EXOC6B: variants seen among roughly 807,000 people sequenced by gnomAD.
EXOC6B encodes the protein exocyst complex component 6B.
In EXOC6B, 54 loss-of-function variants were observed where a neutral mutation model predicts 113.5. The observed-to-expected ratio is 0.48, with a 90% CI of 0.38 to 0.60. The LOEUF is 0.60. Ranked by LOEUF, EXOC6B falls within the 20% of genes least tolerant of loss-of-function variation. EXOC6B has a pLI of 0.00. For missense variants in EXOC6B, 797 were observed against 977.5 expected (o/e 0.82, Z 2.46); for synonymous variants, 357 against 339.0 (o/e 1.05, Z -0.58).
intron 20 of EXOC6B, among the ~76,000 whole-genome samples, chr2:72,288,139 C>G (rs1051664955): frequency 6.6e-6 from 1 of 152,254 alleles, no homozygotes; most frequent in African/African-American, 2.4e-5. Flanking sequence ...AGATACCATA[C>G]ACATTCACTA....
chr2:72,726,250 T>C (rs536507125), intron 5 of EXOC6B, among the ~76,000 whole-genome samples: 1 of 152,234 alleles, frequency 6.6e-6, no homozygotes, highest in Non-Finnish European at 1.5e-5. Context: ...GGTACCCTTT[T>C]TGGGGTAATG....
chr2:72,547,626 G>A (rs1405984433), intron 8 of EXOC6B, among the ~76,000 whole-genome samples: 2 of 152,190 alleles, frequency 1.3e-5, no homozygotes, highest in African/African-American at 2.4e-5. Context: ...ATAGAAGGGT[G>A]AGGAGTGAAC....
intron 6 of EXOC6B, among the ~76,000 whole-genome samples, chr2:72,697,111 T>C (rs1677941049): frequency 1.5e-5 from 2 of 134,322 alleles, no homozygotes; most frequent in African/African-American, 2.9e-5. Context: ...TATACAGATA[T>C]AGATATAGAT....
At chr2:72,498,035 G>C (rs1700127679) in intron 13 of EXOC6B, among the ~76,000 whole-genome samples, 1 of 152,176 alleles carries the variant, frequency 6.6e-6, no homozygotes, top group Non-Finnish European at 1.5e-5. Context: ...CATCCAAACA[G>C]ATTTTCCGAA....
chr2:72,579,989 TAATC>T (rs1344363687), intron 6 of EXOC6B, among the ~76,000 whole-genome samples: 1 of 151,826 alleles, frequency 6.6e-6, no homozygotes, highest in Non-Finnish European at 1.5e-5. Context: ...AAAAAAAAAT[TAATC>T]AAACCTACCT....
At chr2:72,304,647 C>G (rs930480767) in intron 20 of EXOC6B, among the ~76,000 whole-genome samples, 1 of 152,174 alleles carries the variant, frequency 6.6e-6, no homozygotes, top group East Asian at 1.9e-4. Flanking sequence ...AAACTTTGCA[C>G]AGCAGAAAGT....
chr2:72,565,049 G>A (rs2103742423), intron 7 of EXOC6B, among the ~76,000 whole-genome samples: 1 of 152,202 alleles, frequency 6.6e-6, no homozygotes, highest in East Asian at 1.9e-4. Flanking sequence ...AGAATTCTCT[G>A]CTTAAAGCTG....
intron 8 of EXOC6B, among the ~76,000 whole-genome samples, chr2:72,543,140 T>C (rs1573360595): frequency 1.3e-5 from 2 of 152,092 alleles, no homozygotes; most frequent in South Asian, 4.1e-4. Context: ...TGGAGTATGG[T>C]GTATCTGGCG....
chr2:72,694,371 G>A (rs1677716595), intron 6 of EXOC6B, among the ~76,000 whole-genome samples: 1 of 152,200 alleles, frequency 6.6e-6, no homozygotes, highest in Admixed American at 6.5e-5. Flanking sequence ...GACCCTGGGA[G>A]GCGGAGGTTG....
intron 18 of EXOC6B, among the ~76,000 whole-genome samples, chr2:72,409,249 A>G: frequency 6.6e-6 from 1 of 152,222 alleles, no homozygotes; most frequent in Middle Eastern, 3.2e-3. Context: ...AGATACAGGA[A>G]CACTTTTACA....
At chr2:72,265,409 G>A (rs1158519340) in intron 20 of EXOC6B, among the ~76,000 whole-genome samples, 26 of 80,740 alleles carry the variant, frequency 3.2e-4, no homozygotes, top group South Asian at 1.1e-3. Flanking sequence ...CCCCCTCCCC[G>A]CACCCCACAA....
intron 1 of EXOC6B, among the ~76,000 whole-genome samples, chr2:72,773,124 T>C (rs970798541): frequency 2.9e-5 from 4 of 137,768 alleles, no homozygotes; most frequent in Admixed American, 7.2e-5. Flanking sequence ...GATTTTCTTT[T>C]TTTTTTTTTT....
intron 1 of EXOC6B, among the ~76,000 whole-genome samples, chr2:72,822,813 G>T (rs1686655806): frequency 6.6e-6 from 1 of 152,096 alleles, no homozygotes; most frequent in Non-Finnish European, 1.5e-5. Context: ...TGAAGAAAGA[G>T]GAAAGACATA....
At chr2:72,628,815 A>C (rs935415570) in intron 6 of EXOC6B, among the ~76,000 whole-genome samples, 1 of 152,204 alleles carries the variant, frequency 6.6e-6, no homozygotes, top group Non-Finnish European at 1.5e-5. Flanking sequence ...TTGAGACTAC[A>C]TACAGTACGT....
At chr2:72,522,892 A>T (rs1701567456) in intron 8 of EXOC6B, among the ~76,000 whole-genome samples, 1 of 152,218 alleles carries the variant, frequency 6.6e-6, no homozygotes, top group Non-Finnish European at 1.5e-5. Context: ...ATTTAGCATG[A>T]TCCACTTTCA....
chr2:72,250,582 G>A (rs180767895), intron 20 of EXOC6B, among the ~76,000 whole-genome samples: 159 of 150,282 alleles, frequency 1.1e-3, no homozygotes, highest in African/African-American at 3.4e-3. Flanking sequence ...GAGCTCAAGC[G>A]ATCTTCCCAC....
intron 18 of EXOC6B, among the ~76,000 whole-genome samples, chr2:72,401,566 CATATATATATATATACATATATAT>C (rs1693236843): frequency 1.3e-4 from 2 of 14,880 alleles, no homozygotes; most frequent in South Asian, 1.5e-3. Context: ...TATATATATA[CATATATATATATATACATATATAT>C]ATATATATAT....
chr2:72,636,331 G>GTGAAGGAA (rs1672819993), intron 6 of EXOC6B, among the ~76,000 whole-genome samples: 1 of 80,810 alleles, frequency 1.2e-5, no homozygotes, highest in Non-Finnish European at 2.6e-5. Context: ...GAGGGAAGGA[G>GTGAAGGAA]GGAAGGAAGG....
At chr2:72,359,789 G>A (rs940706665) in intron 19 of EXOC6B, among the ~76,000 whole-genome samples, 28 of 152,172 alleles carry the variant, frequency 1.8e-4, no homozygotes, top group Non-Finnish European at 3.2e-4. Flanking sequence ...CAATGCTGAA[G>A]GTGAGGCCTA....
Sources: gnomAD v4.1 joint callset for allele counts (sites outside exome capture counted in the v4.1 genomes callset) on GRCh38, gnomAD v4.1.1 for gene constraint, MANE v1.5 for transcripts, NCBI Gene and HGNC (gene_info 2026-07-23, HGNC 2026-07-21) for gene names.